LMTK3: variants seen among roughly 807,000 people sequenced by gnomAD.
LMTK3 encodes the protein lemur tail kinase 3.
LMTK3 carries 27 observed loss-of-function variants against 116.7 expected under a neutral mutation model. That is an observed-to-expected ratio of 0.23 (90% CI 0.17 to 0.32). The LOEUF is 0.32. LMTK3 is among the 10% of genes least tolerant of loss of function. LMTK3 has a pLI of 1.00. For missense variants in LMTK3, 1,764 were observed against 2,068.5 expected (o/e 0.85, Z 2.86); for synonymous variants, 965 against 971.0 (o/e 0.99, Z 0.11).
chr19:48,504,068 A>G (rs1451532818), intron 5 of LMTK3, among the ~76,000 whole-genome samples: 1 of 152,052 alleles, frequency 6.6e-6, no homozygotes, highest in Non-Finnish European at 1.5e-5. Flanking sequence ...GGGTTTCACC[A>G]TGTTGGCCAG....
Position 48,498,769 on chromosome 19 carries a change from G to T in LMTK3, c.2300C>A (p.Ala767Asp). 1 of 1,449,420 alleles carries T rather than the reference G, an allele frequency of 6.9e-7. No individual in the cohort carries two copies. Among genetic ancestry groups the T allele is most frequent in the Non-Finnish European group, 9.1e-7 (1 of 1,099,692 alleles). The allele number at this position is 1,449,420 out of a possible 1,614,324, so 89.8% of individuals were successfully genotyped here. ...GGCCGAAGGGGGGTCGGGGGACGCG[G>T]CCGGGTCCGCGGGGGCCCGAGGAGG... Reference protein sequence around the residue: ...PPPPRAPADPAASPDPPSAVA... With the variant: ...PPPPRAPADPDASPDPPSAVA... Residue 767 changes from alanine (A) to aspartate (D), a missense_variant, in exon 11 of 15, where the codon GCC becomes GAC. Ala to Asp is a moderately radical substitution (Grantham distance 126). Coordinates refer to ENST00000600059, the MANE Select transcript of LMTK3 (RefSeq NM_001388485.1).
Position 48,494,193 on chromosome 19 carries a change from AC to A in LMTK3, c.3677-85del. On this transcript the variant is annotated intron_variant, in intron 11 of 14. Transcript: ENST00000600059. The surrounding 1 kb of genome is among the most constrained non-coding windows in gnomAD (Gnocchi z 4.0). The stretch of plus-strand genomic sequence containing the variant: ...ACCTAGCTGTGTGGCCTCAGATAAG[AC>A]CCCCGCACAATCTGGGCCTCAGCAC... 2.4e-6 allele frequency: 2 copies of A among 824,210 alleles called. No individual in the cohort carries two copies. The highest frequency in any genetic ancestry group is 3.0e-6 in the Non-Finnish European group (2 of 656,992). 51.1% of individuals were successfully genotyped at this position (824,210 alleles called of 1,614,324 possible).
At chr19:48,502,796 C>T (rs546188786) in intron 6 of LMTK3, 113 bp downstream of exon 6, 1 of 901,760 alleles carries the variant, frequency 1.1e-6, no homozygotes, top group South Asian at 1.5e-5. Flanking sequence ...GCGCATGCCA[C>T]ACATCATCTA....
rs901188814 is a variant in LMTK3 at position 48,500,544 on chromosome 19, C to T, written c.1151+452G>A. 6.6e-6 allele frequency among the ~76,000 whole-genome samples: 1 copy of T among 152,000 alleles called. No homozygotes were observed. Among genetic ancestry groups the T allele is most frequent in the Admixed American group, 6.6e-5 (1 of 15,260 alleles). ...AGACCCAAAAAGTGGGGCAGAGATC[C>T]AGGGAGAAGAGGGGACAGCAGACGG... On this transcript the variant is annotated intron_variant, in intron 10 of 14. Coordinates refer to ENST00000600059, the MANE Select transcript of LMTK3 (RefSeq NM_001388485.1). The surrounding 1 kb of genome is among the most constrained non-coding windows in gnomAD (Gnocchi z 4.0).
Position 48,508,860 on chromosome 19 carries a change from T to C in LMTK3, c.548A>G (p.Gln183Arg). The change falls in exon 5 of 15, where the codon CAG (glutamine) becomes CGG (arginine). Residue 183 changes from glutamine to arginine, a missense_variant. Physicochemically the swap from Gln to Arg is conservative, Grantham distance 43. Coordinates refer to ENST00000600059, the MANE Select transcript of LMTK3 (RefSeq NM_001388485.1). ...GAGAAACCCTCAGTACCTGTACGGC[T>C]GTGCTTCCGAGATGAACTTGCGTTG... ...LEQRKFISEA[Q>R]PYRSLQHPNV... The C allele has an allele frequency of 1.2e-6, 2 of 1,613,102 alleles. No homozygotes were observed. The highest frequency in any genetic ancestry group is 2.2e-5 in the East Asian group (1 of 44,868).
Position 48,491,379 on chromosome 19 carries a change from C to T in LMTK3, c.4228+25G>A, listed in dbSNP as rs1243918056. 6.6e-6 allele frequency: 9 copies of T among 1,361,808 alleles called. 1 individual carries two copies. In the East Asian group the frequency reaches 2.2e-4, roughly 33 times the overall value. 84.4% of individuals were successfully genotyped at this position (1,361,808 alleles called of 1,614,324 possible). On this transcript the variant is annotated intron_variant, in intron 13 of 14. Coordinates refer to ENST00000600059, the MANE Select transcript of LMTK3 (RefSeq NM_001388485.1). This position sits in a 1 kb window ranked among gnomAD's most constrained non-coding sequence, Gnocchi z 5.1. ...GTCCGCCCCATGGCTCCCGCCCCCT[C>T]CCGCCCCATAGGGCCCGTCCTCACC...
intron 5 of LMTK3, among the ~76,000 whole-genome samples, chr19:48,505,145 G>A (rs375733557): frequency 1.3e-4 from 13 of 100,842 alleles, no homozygotes; most frequent in African/African-American, 3.9e-4. Context: ...ACAGAGTCTT[G>A]CTCTGTCGCC....
chr19:48,493,758 TCGCTGTCC>T lies in LMTK3; in HGVS notation c.4020_4027del (p.Asp1341AlafsTer196). On this transcript the variant is annotated frameshift_variant, in exon 12 of 15. Coordinates refer to ENST00000600059, the MANE Select transcript of LMTK3 (RefSeq NM_001388485.1). LOFTEE classifies it high-confidence loss of function. ...GACCATCTTGCGCTTCCTCTCCAGC[TCGCTGTCC>T]TCTGGCTCGTCGGCCCCGCGCGGAG... 6.4e-7 allele frequency: 1 copy of T among 1,563,898 alleles called. No individual in the cohort carries two copies. Among genetic ancestry groups the T allele is most frequent in the Non-Finnish European group, 8.6e-7 (1 of 1,156,222 alleles).
At chr19:48,511,361 C>T (rs923490205) in intron 1 of LMTK3, 140 bp downstream of exon 1, 1 of 422,788 alleles carries the variant, frequency 2.4e-6, no homozygotes. Flanking sequence ...GCACCGTCCC[C>T]GCCGCTCCGG....
In LMTK3 at chr19:48,491,003, G is replaced by T; in HGVS notation, c.4366+105C>A. 1 of 732,212 alleles carries T rather than the reference G, an allele frequency of 1.4e-6. No homozygotes were observed. Among genetic ancestry groups the T allele is most frequent in the Non-Finnish European group, 1.9e-6 (1 of 523,116 alleles). The allele number at this position is 732,212 out of a possible 1,614,324, so 45.4% of individuals were successfully genotyped here. A position where few individuals can be genotyped will look rare whatever the true frequency, so the allele number is the denominator to read the frequency against. On this transcript the variant is annotated intron_variant, in intron 14 of 14. Coordinates refer to ENST00000600059, the MANE Select transcript of LMTK3 (RefSeq NM_001388485.1). This position sits in a 1 kb window ranked among gnomAD's most constrained non-coding sequence, Gnocchi z 5.1. ...CTGAGAGGGGAGAGAGAAGAGACTG[G>T]GAAGAGAGAGGCAGGGACATTGAAA...
Position 48,497,265 on chromosome 19 carries a change from G to T in LMTK3, c.3676+128C>A, listed in dbSNP as rs1050651627. The T allele has an allele frequency of 9.8e-7, 1 of 1,019,130 alleles. No individual in the cohort carries two copies. Among genetic ancestry groups the T allele is most frequent in the Non-Finnish European group, 1.3e-6 (1 of 769,538 alleles). 63.1% of individuals were successfully genotyped at this position (1,019,130 alleles called of 1,614,324 possible). On this transcript the variant is annotated intron_variant, in intron 11 of 14. Transcript: ENST00000600059. This position sits in a 1 kb window ranked among gnomAD's most constrained non-coding sequence, Gnocchi z 5.7. ...GGGCTGAGCCACGATGTGAGCCCAG[G>T]TGGTGCAGGCTTCAGGACCTGCATT...
Position 48,485,807 on chromosome 19 carries a change from A to T in LMTK3, c.4367-18T>A. ...CACGGGGCCTGAGGATGGACAGAGG[A>T]GACAGAGAAATGAAATTACTAGGGG... On this transcript the variant is annotated intron_variant, in intron 14 of 14. Coordinates refer to ENST00000600059, the MANE Select transcript of LMTK3 (RefSeq NM_001388485.1). 1.1e-5 allele frequency: 18 copies of T among 1,604,836 alleles called. No individual in the cohort carries two copies. The highest frequency in any genetic ancestry group is 1.5e-5 in the Non-Finnish European group (18 of 1,176,234).
At chr19:48,489,851 A>G (rs1443317259) in intron 14 of LMTK3, among the ~76,000 whole-genome samples, 1 of 152,158 alleles carries the variant, frequency 6.6e-6, no homozygotes, top group Non-Finnish European at 1.5e-5. Flanking sequence ...GGCGTCTTCT[A>G]CCTTAGCTCT....
upstream of LMTK3, among the ~76,000 whole-genome samples, chr19:48,512,635 G>T (rs1333764667): frequency 6.6e-6 from 1 of 151,676 alleles, no homozygotes; most frequent in African/African-American, 2.4e-5. Flanking sequence ...ACAGAGACAG[G>T]CACATCACAT....
intron 5 of LMTK3, among the ~76,000 whole-genome samples, chr19:48,506,056 C>T (rs1230864839): frequency 2.0e-5 from 3 of 149,986 alleles, no homozygotes; most frequent in Admixed American, 6.7e-5. Context: ...GCAGGAGAAT[C>T]GCTTGAACCC....
chr19:48,497,847 G>T lies in LMTK3; in HGVS notation c.3222C>A (p.Pro1074=). Residue 1074 remains proline (P), a synonymous_variant, in exon 11 of 15, where the codon CCC becomes CCA. Transcript: ENST00000600059. The surrounding 1 kb of genome is among the most constrained non-coding windows in gnomAD (Gnocchi z 5.7). ...TCCCGTTCTTGGGGGCTGGGCCAAGGGGGCCAGGGGCTGTCTCCCCGCCGT... is the reference window on the plus strand; with the variant it reads ...TCCCGTTCTTGGGGGCTGGGCCAAGTGGGCCAGGGGCTGTCTCCCCGCCGT... ...SRNGGETAPG[P]LGPAPKNGTL... 7.0e-7 allele frequency: 1 copy of T among 1,421,766 alleles called. No individual in the cohort carries two copies. The highest frequency in any genetic ancestry group is 9.1e-7 in the Non-Finnish European group (1 of 1,093,036). 88.1% of individuals were successfully genotyped at this position (1,421,766 alleles called of 1,614,324 possible).
At chr19:48,492,734 C>T (rs1437404306) in intron 12 of LMTK3, among the ~76,000 whole-genome samples, 1 of 152,048 alleles carries the variant, frequency 6.6e-6, no homozygotes. Flanking sequence ...ACCATCCAGG[C>T]CTCTTCTCAA....
Position 48,491,634 on chromosome 19 carries a change from G to A in LMTK3, c.4093-95C>T. The A allele has an allele frequency of 8.9e-7, 1 of 1,118,856 alleles. No individual in the cohort carries two copies. Among genetic ancestry groups the A allele is most frequent in the Non-Finnish European group, 1.2e-6 (1 of 868,568 alleles). The allele number at this position is 1,118,856 out of a possible 1,614,324, so 69.3% of individuals were successfully genotyped here. A position where few individuals can be genotyped will look rare whatever the true frequency, so the allele number is the denominator to read the frequency against. Reference sequence around the variant, plus strand: ...AGCAACAAAACCGGCTAATATTTCTGGGGCTCTAGGAATCCCAATTTGTAA... The same window carrying A: ...AGCAACAAAACCGGCTAATATTTCTAGGGCTCTAGGAATCCCAATTTGTAA... On this transcript the variant is annotated intron_variant, in intron 12 of 14. Coordinates refer to ENST00000600059, the MANE Select transcript of LMTK3 (RefSeq NM_001388485.1). This position sits in a 1 kb window ranked among gnomAD's most constrained non-coding sequence, Gnocchi z 5.1.
rs552336580 is a variant in LMTK3 at position 48,491,572 on chromosome 19, G to C, written c.4093-33C>G. On this transcript the variant is annotated intron_variant, in intron 12 of 14. Coordinates refer to ENST00000600059, the MANE Select transcript of LMTK3 (RefSeq NM_001388485.1). The surrounding 1 kb of genome is among the most constrained non-coding windows in gnomAD (Gnocchi z 5.1). ...GGCAGATTAGGGGGAAGCCAGAGGG[G>C]ACAAACCTTCACGTCCCATTTACCG... 7.6e-7 allele frequency: 1 copy of C among 1,321,978 alleles called. No homozygotes were observed. The highest frequency in any genetic ancestry group is 2.9e-5 in the East Asian group (1 of 34,440). The allele number at this position is 1,321,978 out of a possible 1,614,324, so 81.9% of individuals were successfully genotyped here.
Sources: allele counts gnomAD v4.1 joint callset (sites outside exome capture counted in the v4.1 genomes callset), GRCh38; gene constraint gnomAD v4.1.1; non-coding constraint Gnocchi (gnomAD v3.1); transcripts MANE v1.5; gene names NCBI Gene and HGNC (gene_info 2026-07-23, HGNC 2026-07-21).